ZHX3: variants seen among roughly 807,000 people sequenced by gnomAD.
ZHX3 encodes the protein zinc fingers and homeoboxes 3.
ZHX3 carries 20 observed loss-of-function variants against 64.5 expected under a neutral mutation model. That is an observed-to-expected ratio of 0.31 (90% CI 0.22 to 0.45). The LOEUF (loss-of-function observed/expected upper bound fraction) is 0.45. Among genes scored for constraint, ZHX3 ranks in the 20% least tolerant of loss-of-function variants. The pLI, the probability that ZHX3 is intolerant of heterozygous loss-of-function variation, is 1.00. For missense variants in ZHX3, 1,041 were observed against 1,195.8 expected (o/e 0.87, Z 1.91); for synonymous variants, 423 against 461.6 (o/e 0.92, Z 1.07).
In ZHX3 at chr20:41,203,676, A is replaced by G. The variant is rs560221340; in HGVS notation, c.1241T>C (p.Val414Ala). The change falls in exon 3 of 4, where the codon GTT becomes GCT. Residue 414 changes from valine to alanine, a missense_variant. By Grantham distance (64) the Val-to-Ala change is moderately conservative (BLOSUM62 0). This residue lies in a region of ZHX3 where 649 missense variants were observed against 739.8 expected (regional missense o/e 0.88). Transcript: ENST00000683867. The surrounding 1 kb of genome is among the most constrained non-coding windows in gnomAD (Gnocchi z 7.1). ...HLIQAALPGH[V>A]VGQPEGTGGG... The stretch of plus-strand genomic sequence containing the variant: ...TCCTGTACCCTCTGGCTGCCCCACA[A>G]CGTGACCTGGAAGAGCGGCCTGGAT... 5.0e-6 allele frequency: 8 copies of G among 1,614,174 alleles called. No homozygotes were observed. The highest frequency in any genetic ancestry group is 1.3e-5 in the African/African-American group (1 of 75,056).
At chr20:41,290,454 C>G (rs147758988) in intron 1 of ZHX3, 2 of 152,340 alleles carry the variant, frequency 1.3e-5, no homozygotes, top group Admixed American at 6.5e-5. Context: ...CATATTGATG[C>G]CAAACTCAGT....
intron 3 of ZHX3, among the ~76,000 whole-genome samples, chr20:41,198,450 A>G (rs2037947128): frequency 6.6e-6 from 1 of 151,024 alleles, no homozygotes; most frequent in African/African-American, 2.4e-5. Flanking sequence ...TTTGAAGAAT[A>G]GTTTTGCCAT....
intron 2 of ZHX3, among the ~76,000 whole-genome samples, chr20:41,235,403 C>T (rs1170218793): frequency 3.3e-5 from 5 of 152,150 alleles, no homozygotes; most frequent in East Asian, 1.9e-4. Flanking sequence ...TCCAGCAGCA[C>T]ATCAAAAAGC....
In ZHX3 at chr20:41,226,554, C is replaced by T. The variant is rs963564749; in HGVS notation, c.-150-21488G>A. ...TATTTTTTATTCTTTTGGGTATACA[C>T]TTTTTCTTGTTTAAGCTCTCCACAA... On this transcript the variant is annotated intron_variant, in intron 2 of 3. Coordinates refer to ENST00000683867, the MANE Select transcript of ZHX3 (RefSeq NM_001384317.1). This position sits in a 1 kb window ranked among gnomAD's most constrained non-coding sequence, Gnocchi z 4.4. Among the ~76,000 whole-genome samples the T allele has an allele frequency of 6.6e-6, 1 of 152,046 alleles. No individual in the cohort carries two copies. Among genetic ancestry groups the T allele is most frequent in the African/African-American group, 2.4e-5 (1 of 41,404 alleles).
intron 1 of ZHX3, among the ~76,000 whole-genome samples, chr20:41,276,236 C>A (rs922037002): frequency 1.3e-5 from 2 of 150,076 alleles, no homozygotes; most frequent in African/African-American, 5.0e-5. Context: ...CCCAACCCCA[C>A]CCTTAAAAGT....
chr20:41,302,800 T>A (rs2044862182), intron 1 of ZHX3, among the ~76,000 whole-genome samples: 1 of 152,200 alleles, frequency 6.6e-6, no homozygotes, highest in African/African-American at 2.4e-5. Context: ...CTGGGCCCCC[T>A]CCATCCCCAC....
At chr20:41,253,388 AG>A (rs758923834) in intron 2 of ZHX3, among the ~76,000 whole-genome samples, 11 of 152,204 alleles carry the variant, frequency 7.2e-5, no homozygotes, top group Admixed American at 5.9e-4. Flanking sequence ...CACTTATAAA[AG>A]TTCCAGGTGG....
In ZHX3 at chr20:41,196,410, T is replaced by A. The variant is rs913915169; in HGVS notation, c.2860+5647A>T. On this transcript the variant is annotated intron_variant, in intron 3 of 3. Coordinates refer to ENST00000683867, the MANE Select transcript of ZHX3 (RefSeq NM_001384317.1). ...ATATATATTTATATATATTATATATTATATATAATATATATTTATATAAAT... is the reference window on the plus strand; with the variant it reads ...ATATATATTTATATATATTATATATAATATATAATATATATTTATATAAAT... 5.5e-4 allele frequency among the ~76,000 whole-genome samples: 27 copies of A among 49,230 alleles called. 1 individual carries two copies. Among genetic ancestry groups the A allele is most frequent in the African/African-American group, 1.4e-3 (16 of 11,434 alleles). 32.3% of individuals were successfully genotyped at this position (49,230 alleles called of 152,430 possible). A position where few individuals can be genotyped will look rare whatever the true frequency, so the allele number is the denominator to read the frequency against.
intron 2 of ZHX3, among the ~76,000 whole-genome samples, chr20:41,268,165 A>G (rs1259625691): frequency 2.0e-5 from 3 of 151,354 alleles, no homozygotes; most frequent in Non-Finnish European, 3.0e-5. Flanking sequence ...GGAGTTGCCT[A>G]AAGAAGTTGT....
intron 2 of ZHX3, among the ~76,000 whole-genome samples, chr20:41,257,832 C>T (rs2042343627): frequency 1.4e-5 from 2 of 145,626 alleles, no homozygotes; most frequent in Non-Finnish European, 3.0e-5. Flanking sequence ...AGGCTGGTCT[C>T]GAACTCCTGA....
Position 41,202,077 on chromosome 20 carries a change from G to A in ZHX3, c.2840C>T (p.Pro947Leu). The change falls in exon 3 of 4, where the codon CCC (proline) becomes CTC (leucine). Residue 947 changes from proline to leucine, a missense_variant. Transcript: ENST00000683867. This position sits in a 1 kb window ranked among gnomAD's most constrained non-coding sequence, Gnocchi z 7.0. Reference protein sequence around the residue: ...ASSEPFDTSSPQAGRQLETD With the variant: ...ASSEPFDTSSLQAGRQLETD The stretch of plus-strand genomic sequence containing the variant: ...CTTACCGAGCTGACGTCCAGCCTGG[G>A]GACTCGATGTGTCAAAGGGCTCTGA... 6.2e-7 allele frequency: 1 copy of A among 1,604,242 alleles called. No homozygotes were observed. Among genetic ancestry groups the A allele is most frequent in the South Asian group, 1.1e-5 (1 of 89,666 alleles).
At chr20:41,187,468 A>G (rs1342771135) in intron 3 of ZHX3, among the ~76,000 whole-genome samples, 1 of 152,130 alleles carries the variant, frequency 6.6e-6, no homozygotes, top group East Asian at 1.9e-4. Flanking sequence ...GTACAAGGTA[A>G]GAGTATAATT....
At position 41,181,888 on chromosome 20, in the gene ZHX3, G is replaced by A. The variant is rs752205317; in HGVS notation, c.*3303C>T. On this transcript the variant is annotated 3_prime_UTR_variant, in exon 4 of 4. Transcript: ENST00000683867. The stretch of plus-strand genomic sequence containing the variant: ...CACAGTGTGGAGTCCTTGTGTCAAG[G>A]TGCTTTGGTCCACCTGAACAGCCAC... 2.6e-5 allele frequency: 4 copies of A among 152,138 alleles called. No individual in the cohort carries two copies. Among genetic ancestry groups the A allele is most frequent in the Non-Finnish European group, 5.9e-5 (4 of 68,058 alleles). 9.4% of individuals were successfully genotyped at this position (152,138 alleles called of 1,614,324 possible). A position where few individuals can be genotyped will look rare whatever the true frequency, so the allele number is the denominator to read the frequency against.
intron 1 of ZHX3, among the ~76,000 whole-genome samples, chr20:41,288,360 A>T (rs1223038172): frequency 1.3e-5 from 2 of 152,220 alleles, no homozygotes; most frequent in African/African-American, 4.8e-5. Context: ...TGAAATCTCC[A>T]TGGTGGTAGT....
Position 41,200,916 on chromosome 20 carries a change from G to T in ZHX3, c.2860+1141C>A, listed in dbSNP as rs143020676. ...TTTAAAATATTCAGAGAAAGAAAAA[G>T]AATTTTGTCCTTTTTAAGACATCCT... On this transcript the variant is annotated intron_variant, in intron 3 of 3. Coordinates refer to ENST00000683867, the MANE Select transcript of ZHX3 (RefSeq NM_001384317.1). The surrounding 1 kb of genome is among the most constrained non-coding windows in gnomAD (Gnocchi z 4.2). Among the ~76,000 whole-genome samples the T allele has an allele frequency of 2.0e-5, 3 of 152,312 alleles. No individual in the cohort carries two copies. Among genetic ancestry groups the T allele is most frequent in the African/African-American group, 7.2e-5 (3 of 41,584 alleles).
chr20:41,274,535 T>A (rs896454656), intron 1 of ZHX3, among the ~76,000 whole-genome samples: 2 of 152,202 alleles, frequency 1.3e-5, no homozygotes, highest in African/African-American at 4.8e-5. Flanking sequence ...GAACAATCAC[T>A]TGATATTATA....
In ZHX3 at chr20:41,202,866, T is replaced by TC; in HGVS notation, c.2050dup (p.Glu684GlyfsTer5). 6.2e-7 allele frequency: 1 copy of TC among 1,614,186 alleles called. No homozygotes were observed. The highest frequency in any genetic ancestry group is 8.5e-7 in the Non-Finnish European group (1 of 1,180,026). On this transcript the variant is annotated frameshift_variant, in exon 3 of 4. Transcript: ENST00000683867. LOFTEE classifies it high-confidence loss of function. This position sits in a 1 kb window ranked among gnomAD's most constrained non-coding sequence, Gnocchi z 7.0. ...TCCACCCTCATCCTCAGCAGCCTCCTCTTCCTCCTGAGAGGCATTCTCCTC... is the reference window on the plus strand; with the variant it reads ...TCCACCCTCATCCTCAGCAGCCTCCTCCTTCCTCCTGAGAGGCATTCTCCTC...
intron 1 of ZHX3, among the ~76,000 whole-genome samples, chr20:41,303,079 T>C (rs1354966134): frequency 6.6e-6 from 1 of 152,246 alleles, no homozygotes; most frequent in African/African-American, 2.4e-5. Context: ...CACACTTTCA[T>C]CAATACTATT....
At position 41,226,257 on chromosome 20, in the gene ZHX3, C is replaced by T. The variant is rs1441071795; in HGVS notation, c.-150-21191G>A. On this transcript the variant is annotated intron_variant, in intron 2 of 3. Coordinates refer to ENST00000683867, the MANE Select transcript of ZHX3 (RefSeq NM_001384317.1). The surrounding 1 kb of genome is among the most constrained non-coding windows in gnomAD (Gnocchi z 4.4). ...CTAAAAATACAAAAAATTAGCCGGGCGTGCTGGCGAATGGCATGAACGCGG... is the reference window on the plus strand; with the variant it reads ...CTAAAAATACAAAAAATTAGCCGGGTGTGCTGGCGAATGGCATGAACGCGG... 1.3e-5 allele frequency among the ~76,000 whole-genome samples: 2 copies of T among 151,956 alleles called. No homozygotes were observed. The highest frequency in any genetic ancestry group is 1.3e-4 in the Admixed American group (2 of 15,254).
Sources: allele counts gnomAD v4.1 joint callset (sites outside exome capture counted in the v4.1 genomes callset), GRCh38; gene constraint gnomAD v4.1.1; regional missense constraint gnomAD v4.1.1; non-coding constraint Gnocchi (gnomAD v3.1); transcripts MANE v1.5; gene names NCBI Gene and HGNC (gene_info 2026-07-23, HGNC 2026-07-21).